The following HS3ST4 variants were observed in gnomAD, a reference collection of about 807,000 sequenced individuals.
HS3ST4 encodes the protein heparan sulfate-glucosamine 3-sulfotransferase 4.
In HS3ST4, 17 loss-of-function variants were observed where a neutral mutation model predicts 29.2. The observed-to-expected ratio is 0.58, with a 90% CI of 0.40 to 0.87. The LOEUF is 0.87. Among genes scored for constraint, HS3ST4 ranks in the 40% least tolerant of loss-of-function variants. The probability of loss-of-function intolerance (pLI) is 0.00; values close to 1 mark genes in which losing one functional copy is unlikely to be tolerated. For missense variants in HS3ST4, 627 were observed against 634.5 expected, an observed-to-expected ratio of 0.99 and a Z score of 0.13; for synonymous variants, 314 against 285.7, an observed-to-expected ratio of 1.10 and a Z score of -1.00.
At chr16:25,828,866 C>T (rs538139373) in intron 1 of HS3ST4, among the ~76,000 whole-genome samples, 8 of 152,234 alleles carry the variant, frequency 5.3e-5, no homozygotes, top group African/African-American at 1.7e-4. Context: ...ATTAAACTTA[C>T]TTGAGCATTA....
At chr16:25,805,929 C>T (rs1005283428) in intron 1 of HS3ST4, among the ~76,000 whole-genome samples, 1 of 152,134 alleles carries the variant, frequency 6.6e-6, no homozygotes, top group Admixed American at 6.5e-5. Flanking sequence ...TTGTTCAGCT[C>T]CCACTTATAA....
intron 1 of HS3ST4, among the ~76,000 whole-genome samples, chr16:25,971,290 A>G (rs1968894512): frequency 6.6e-6 from 1 of 152,202 alleles, no homozygotes; most frequent in Non-Finnish European, 1.5e-5. Flanking sequence ...ATAACTTGAT[A>G]AGGTGATGTA....
intron 1 of HS3ST4, among the ~76,000 whole-genome samples, chr16:25,801,594 C>G (rs1460529409): frequency 1.3e-5 from 2 of 152,110 alleles, no homozygotes; most frequent in Non-Finnish European, 2.9e-5. Context: ...TCTGGTGAGA[C>G]TTTGCCAGTT....
At chr16:25,950,732 C>T (rs1214536283) in intron 1 of HS3ST4, among the ~76,000 whole-genome samples, 1 of 151,948 alleles carries the variant, frequency 6.6e-6, no homozygotes, top group Admixed American at 6.6e-5. Flanking sequence ...CTTTGGAGTC[C>T]CACAGACTTG....
chr16:26,002,776 GGAAA>G (rs554746435), intron 1 of HS3ST4, among the ~76,000 whole-genome samples: 90 of 140,862 alleles, frequency 6.4e-4, no homozygotes, highest in Middle Eastern at 7.5e-3. Flanking sequence ...AGAAAAAGAA[GGAAA>G]GAAAGAAAGA....
intron 1 of HS3ST4, among the ~76,000 whole-genome samples, chr16:25,947,282 C>A (rs927120811): frequency 6.6e-6 from 1 of 152,124 alleles, no homozygotes; most frequent in Non-Finnish European, 1.5e-5. Context: ...TTTAAATCCT[C>A]ATCTCAGAAA....
intron 1 of HS3ST4, among the ~76,000 whole-genome samples, chr16:26,064,699 C>T (rs571753493): frequency 3.8e-4 from 57 of 149,506 alleles, no homozygotes; most frequent in African/African-American, 1.4e-3. Context: ...CTCACCGCAA[C>T]CTCTGCTTCC....
chr16:26,022,794 A>G (rs1199859969), intron 1 of HS3ST4, among the ~76,000 whole-genome samples: 1 of 151,538 alleles, frequency 6.6e-6, no homozygotes, highest in East Asian at 1.9e-4. Context: ...ATTATACCAC[A>G]CCTGGCCTAC....
chr16:26,096,722 C>T (rs1209335581), intron 1 of HS3ST4, among the ~76,000 whole-genome samples: 1 of 152,184 alleles, frequency 6.6e-6, no homozygotes, highest in Admixed American at 6.5e-5. Flanking sequence ...TCCTATTCAA[C>T]ATAGTGTTGG....
At chr16:26,118,085 A>T (rs879489670) in intron 1 of HS3ST4, among the ~76,000 whole-genome samples, 1 of 152,218 alleles carries the variant, frequency 6.6e-6, no homozygotes, top group Non-Finnish European at 1.5e-5. Flanking sequence ...CCTTTTTAAA[A>T]GACAGGGTCT....
At chr16:26,109,891 C>G (rs1250647319) in intron 1 of HS3ST4, among the ~76,000 whole-genome samples, 1 of 151,896 alleles carries the variant, frequency 6.6e-6, no homozygotes, top group Non-Finnish European at 1.5e-5. Context: ...ACATCACACA[C>G]TTTTTTTTGT....
intron 1 of HS3ST4, among the ~76,000 whole-genome samples, chr16:25,941,600 G>A (rs1368156417): frequency 2.0e-5 from 3 of 151,888 alleles, no homozygotes; most frequent in South Asian, 2.1e-4. Context: ...GTTTTGAGAC[G>A]GAGTCTTGCT....
At chr16:26,035,647 C>T (rs1451034641) in intron 1 of HS3ST4, among the ~76,000 whole-genome samples, 1 of 152,182 alleles carries the variant, frequency 6.6e-6, no homozygotes, top group African/African-American at 2.4e-5. Context: ...CTTCTATCTC[C>T]TGCCAATACC....
intron 1 of HS3ST4, among the ~76,000 whole-genome samples, chr16:25,892,364 T>C (rs1968018385): frequency 6.6e-6 from 1 of 152,160 alleles, no homozygotes; most frequent in South Asian, 2.1e-4. Context: ...GAACACACTT[T>C]CTTTCACTTT....
chr16:26,062,063 T>A (rs1368233673), intron 1 of HS3ST4, among the ~76,000 whole-genome samples: 1 of 152,210 alleles, frequency 6.6e-6, no homozygotes, highest in Admixed American at 6.5e-5. Context: ...GAGTTGCTGA[T>A]GGAGTTCTAC....
At chr16:25,984,358 T>C (rs114660001) in intron 1 of HS3ST4, among the ~76,000 whole-genome samples, 3,118 of 152,252 alleles carry the variant, frequency 0.02, 124 homozygotes, top group African/African-American at 0.072. Context: ...ATCCCTCTCA[T>C]GCACAGTTCA....
At position 26,136,370 on chromosome 16, in the gene HS3ST4, T is replaced by C; in HGVS notation, c.*122T>C. 1 of 945,008 alleles carries C rather than the reference T, an allele frequency of 1.1e-6. No individual in the cohort carries two copies. The highest frequency in any genetic ancestry group is 1.5e-6 in the Non-Finnish European group (1 of 648,752). The allele number at this position is 945,008 out of a possible 1,614,324, so 58.5% of individuals were successfully genotyped here. The stretch of plus-strand genomic sequence containing the variant: ...GCCAAGTAGATCTCCTCCTCCTTCA[T>C]GCAGCCAGGATTGCCTCCAGTGCTG... On this transcript the variant is annotated 3_prime_UTR_variant, in exon 2 of 2. Coordinates refer to ENST00000331351, the MANE Select transcript of HS3ST4 (RefSeq NM_006040.3).
intron 1 of HS3ST4, among the ~76,000 whole-genome samples, chr16:25,750,341 G>C (rs1346941041): frequency 6.6e-6 from 1 of 152,070 alleles, no homozygotes. Flanking sequence ...CCTAACCTTG[G>C]ACATCACGTA....
At chr16:25,786,777 A>T (rs915521467) in intron 1 of HS3ST4, among the ~76,000 whole-genome samples, 15 of 152,354 alleles carry the variant, frequency 9.8e-5, no homozygotes, top group Non-Finnish European at 1.3e-4. Context: ...TTAATAGTTC[A>T]GATCAAATGC....
Sources: allele counts gnomAD v4.1 joint callset (sites outside exome capture counted in the v4.1 genomes callset), GRCh38; gene constraint gnomAD v4.1.1; transcripts MANE v1.5; gene names NCBI Gene and HGNC (gene_info 2026-07-23, HGNC 2026-07-21).